SHISA9: variants seen among roughly 807,000 people sequenced by gnomAD.
The protein encoded by SHISA9 is protein shisa-9.
In SHISA9, 13 loss-of-function variants were observed where a neutral mutation model predicts 38.0. The observed-to-expected ratio is 0.34, with a 90% CI of 0.22 to 0.54. SHISA9 has a LOEUF of 0.54. SHISA9 is among the 20% of genes least tolerant of loss of function. The pLI is 0.91. For missense variants in SHISA9, 538 were observed against 575.8 expected (o/e 0.93, Z 0.67); for synonymous variants, 275 against 242.0 (o/e 1.14, Z -1.27).
intron 3 of SHISA9, among the ~76,000 whole-genome samples, chr16:13,207,502 A>G (rs1596732522): frequency 6.6e-6 from 1 of 152,030 alleles, no homozygotes; most frequent in Non-Finnish European, 1.5e-5. Flanking sequence ...GTTGTAAGGA[A>G]GCACTCTAAT....
chr16:13,444,418 AG>A, the SHISA9 span, among the ~76,000 whole-genome samples: 1 of 35,914 alleles, frequency 2.8e-5, no homozygotes, highest in East Asian at 4.3e-4. Flanking sequence ...GGAGGGAGGG[AG>A]GAAGGAAGGA....
At chr16:13,114,237 C>T (rs533387963) in intron 2 of SHISA9, among the ~76,000 whole-genome samples, 21 of 152,096 alleles carry the variant, frequency 1.4e-4, no homozygotes, top group Admixed American at 5.2e-4. Flanking sequence ...GAGGCTGAGG[C>T]GGGCAGATCA....
rs567540517 is a variant in SHISA9 at position 13,084,120 on chromosome 16, G to T, written c.692-119274G>T. Reference sequence around the variant, plus strand: ...TTCTAAAAAAAAAGAAAAAAGGCTAGTTTCTTATAAATTATCTGCCCAGCC... The same window carrying T: ...TTCTAAAAAAAAAGAAAAAAGGCTATTTTCTTATAAATTATCTGCCCAGCC... On this transcript the variant is annotated intron_variant, in intron 2 of 4. Coordinates refer to ENST00000558583, the MANE Select transcript of SHISA9 (RefSeq NM_001145204.3). Among the ~76,000 whole-genome samples, 6 of 152,196 alleles carry T rather than the reference G, an allele frequency of 3.9e-5. No homozygotes were observed. In the East Asian group the frequency reaches 1.2e-3, roughly 29 times the overall value.
chr16:12,968,576 C>T lies in SHISA9; in HGVS notation c.691+51761C>T, dbSNP rs571711230. Among the ~76,000 whole-genome samples, 13 of 152,270 alleles carry T rather than the reference C, an allele frequency of 8.5e-5. No individual in the cohort carries two copies. The South Asian group carries it at 2.5e-3, about 29-fold the overall frequency. On this transcript the variant is annotated intron_variant, in intron 2 of 4. Coordinates refer to ENST00000558583, the MANE Select transcript of SHISA9 (RefSeq NM_001145204.3). ...TGTAATCGTAAAATGAAATATCATA[C>T]ATTTTTGAGAATGAACAGCTACAAC...
intron 2 of SHISA9, among the ~76,000 whole-genome samples, chr16:13,027,831 A>C (rs760102362): frequency 2.5e-4 from 37 of 150,706 alleles, no homozygotes; most frequent in Non-Finnish European, 4.7e-4. Context: ...GGAGGCTTAG[A>C]CAGTAGAATC....
chr16:13,251,417 T>C, the SHISA9 span, among the ~76,000 whole-genome samples: 2 of 152,168 alleles, frequency 1.3e-5, no homozygotes, highest in East Asian at 3.8e-4. Flanking sequence ...AAGCTCTTGC[T>C]TTCTGACTCA....
At chr16:12,924,534 C>T (rs573541758) in intron 2 of SHISA9, among the ~76,000 whole-genome samples, 1 of 152,098 alleles carries the variant, frequency 6.6e-6, no homozygotes, top group Non-Finnish European at 1.5e-5. Context: ...CATAGTTGGG[C>T]AGACTAGTTG....
chr16:13,291,316 C>T, the SHISA9 span, among the ~76,000 whole-genome samples: 6 of 152,270 alleles, frequency 3.9e-5, no homozygotes, highest in South Asian at 1.2e-3. Context: ...TGAAGGGAAA[C>T]AAACCCAAGC....
chr16:12,938,693 G>C (rs1187087858), intron 2 of SHISA9, among the ~76,000 whole-genome samples: 1 of 151,948 alleles, frequency 6.6e-6, no homozygotes, highest in Admixed American at 6.6e-5. Flanking sequence ...AGTAGAGAGG[G>C]GGTTTCACCA....
the SHISA9 span, among the ~76,000 whole-genome samples, chr16:13,529,700 T>C: frequency 3.3e-5 from 5 of 152,192 alleles, no homozygotes; most frequent in Non-Finnish European, 5.9e-5. Context: ...AGTTTCCTTC[T>C]TTGTTAAACA....
chr16:13,344,305 T>C, the SHISA9 span, among the ~76,000 whole-genome samples: 3 of 152,194 alleles, frequency 2.0e-5, no homozygotes, highest in Non-Finnish European at 4.4e-5. Flanking sequence ...CATTTAGATC[T>C]TGGTTTTATA....
intron 4 of SHISA9, among the ~76,000 whole-genome samples, chr16:13,219,196 C>T (rs1441393024): frequency 1.3e-5 from 2 of 152,196 alleles, no homozygotes; most frequent in Non-Finnish European, 2.9e-5. Context: ...TTGCAATAAA[C>T]ATTTGACTAG....
At chr16:13,551,197 C>T in the SHISA9 span, among the ~76,000 whole-genome samples, 1 of 151,960 alleles carries the variant, frequency 6.6e-6, no homozygotes, top group African/African-American at 2.4e-5. Flanking sequence ...TTCTTACACA[C>T]AGACACACAC....
the SHISA9 span, among the ~76,000 whole-genome samples, chr16:13,372,702 G>A: frequency 2.6e-5 from 4 of 152,180 alleles, no homozygotes; most frequent in Admixed American, 6.5e-5. Flanking sequence ...AAGCTCTTTT[G>A]ATGTGCAAAG....
intron 2 of SHISA9, among the ~76,000 whole-genome samples, chr16:13,137,648 G>A (rs1404475818): frequency 6.6e-6 from 1 of 152,018 alleles, no homozygotes; most frequent in African/African-American, 2.4e-5. Context: ...TAGAGATGGG[G>A]TTTCACCATG....
At chr16:13,487,844 A>G in the SHISA9 span, among the ~76,000 whole-genome samples, 1 of 152,236 alleles carries the variant, frequency 6.6e-6, no homozygotes, top group Non-Finnish European at 1.5e-5. Flanking sequence ...CCTTGGATAC[A>G]GAGGACTAGC....
chr16:13,299,126 T>C, the SHISA9 span, among the ~76,000 whole-genome samples: 1 of 152,152 alleles, frequency 6.6e-6, no homozygotes, highest in Non-Finnish European at 1.5e-5. Flanking sequence ...TAGATATCCC[T>C]CTCCACTTAT....
At chr16:13,012,494 G>A (rs1596583710) in intron 2 of SHISA9, among the ~76,000 whole-genome samples, 1 of 152,268 alleles carries the variant, frequency 6.6e-6, no homozygotes, top group African/African-American at 2.4e-5. Flanking sequence ...ACTGGGGAGG[G>A]AGAGTGCGGG....
At chr16:13,036,857 C>G (rs2073072885) in intron 2 of SHISA9, among the ~76,000 whole-genome samples, 1 of 152,002 alleles carries the variant, frequency 6.6e-6, no homozygotes, top group Non-Finnish European at 1.5e-5. Flanking sequence ...TAAGCGCTCA[C>G]TCAAATGCAG....
Sources: gnomAD v4.1 joint callset for allele counts (sites outside exome capture counted in the v4.1 genomes callset) on GRCh38, gnomAD v4.1.1 for gene constraint, MANE v1.5 for transcripts, NCBI Gene and HGNC (gene_info 2026-07-23, HGNC 2026-07-21) for gene names.